BARX2: variants seen among roughly 807,000 people sequenced by gnomAD.
The protein encoded by BARX2 is BARX homeobox 2.
Under a neutral mutation model 25.5 loss-of-function variants are expected in BARX2, and 11 were observed. The ratio of observed to expected loss-of-function variants is 0.43; its 90% CI spans 0.27 to 0.71. BARX2 has a LOEUF of 0.71. Among genes scored for constraint, BARX2 ranks in the 30% least tolerant of loss-of-function variants. The pLI is 0.19. For synonymous variants in BARX2, 137 were observed against 149.5 expected (o/e 0.92, Z 0.61); for missense variants, 360 against 359.9 (o/e 1.00, Z 0.00).
intron 3 of BARX2, among the ~76,000 whole-genome samples, chr11:129,443,569 C>T (rs942916634): frequency 1.3e-5 from 2 of 152,144 alleles, no homozygotes; most frequent in African/African-American, 4.8e-5. Context: ...TGGGAATGTG[C>T]GTGTTAACAA....
chr11:129,415,441 C>CA (rs1861934750), intron 1 of BARX2, among the ~76,000 whole-genome samples: 1 of 140,282 alleles, frequency 7.1e-6, no homozygotes. Flanking sequence ...TTCTAGGCAG[C>CA]AAGTTTTCTT....
chr11:129,433,856 T>C (rs1591444679), intron 1 of BARX2, among the ~76,000 whole-genome samples: 1 of 152,210 alleles, frequency 6.6e-6, no homozygotes, highest in African/African-American at 2.4e-5. Context: ...GTTTATTTGT[T>C]TGCTGTCTGC....
At chr11:129,440,503 A>G (rs574507213) in intron 2 of BARX2, among the ~76,000 whole-genome samples, 3 of 152,360 alleles carry the variant, frequency 2.0e-5, no homozygotes, top group African/African-American at 7.2e-5. Context: ...CTTGGGAAGC[A>G]GTGCTTCATT....
intron 1 of BARX2, among the ~76,000 whole-genome samples, chr11:129,407,643 T>A (rs950203626): frequency 6.6e-6 from 1 of 152,158 alleles, no homozygotes; most frequent in Non-Finnish European, 1.5e-5. Flanking sequence ...AAACTTTGAG[T>A]ACCTACTAAA....
chr11:129,418,820 C>A (rs553727860), intron 1 of BARX2, among the ~76,000 whole-genome samples: 7 of 152,336 alleles, frequency 4.6e-5, no homozygotes, highest in African/African-American at 1.7e-4. Flanking sequence ...TGCACATCAA[C>A]TGCCTGGAAG....
chr11:129,411,199 G>A (rs1052886781), intron 1 of BARX2, among the ~76,000 whole-genome samples: 4 of 151,872 alleles, frequency 2.6e-5, no homozygotes, highest in East Asian at 1.9e-4. Flanking sequence ...GTGAAACCCC[G>A]TCTCTACTAA....
intron 3 of BARX2, among the ~76,000 whole-genome samples, chr11:129,449,575 T>TA (rs1446215433): frequency 6.6e-6 from 1 of 151,962 alleles, no homozygotes; most frequent in East Asian, 1.9e-4. Flanking sequence ...CAAAGCAAAA[T>TA]ATAAATATTT....
intron 1 of BARX2, among the ~76,000 whole-genome samples, chr11:129,410,548 T>G (rs1861875539): frequency 6.6e-6 from 1 of 152,212 alleles, no homozygotes; most frequent in African/African-American, 2.4e-5. Flanking sequence ...TCTGAGACAC[T>G]GAATGGGAGG....
At chr11:129,384,349 G>A (rs944841980) in intron 1 of BARX2, among the ~76,000 whole-genome samples, 1 of 152,038 alleles carries the variant, frequency 6.6e-6, no homozygotes, top group Non-Finnish European at 1.5e-5. Context: ...TCTTGGGCCT[G>A]ATGAAATTTC....
intron 1 of BARX2, among the ~76,000 whole-genome samples, chr11:129,420,112 A>C (rs1299008732): frequency 1.3e-5 from 2 of 152,046 alleles, no homozygotes; most frequent in Non-Finnish European, 2.9e-5. Context: ...TAGTGAACAA[A>C]TCAGTGTCAG....
At chr11:129,430,399 C>T (rs1862115906) in intron 1 of BARX2, among the ~76,000 whole-genome samples, 1 of 151,994 alleles carries the variant, frequency 6.6e-6, no homozygotes, top group Non-Finnish European at 1.5e-5. Flanking sequence ...TACATAGGAA[C>T]AATTCTGTAA....
intron 1 of BARX2, among the ~76,000 whole-genome samples, chr11:129,397,522 C>T (rs1283597534): frequency 2.0e-5 from 3 of 152,130 alleles, no homozygotes; most frequent in Non-Finnish European, 2.9e-5. Flanking sequence ...TGCAGTGATC[C>T]GCACTGAACT....
chr11:129,402,735 A>G (rs1441731542), intron 1 of BARX2, among the ~76,000 whole-genome samples: 1 of 152,216 alleles, frequency 6.6e-6, no homozygotes, highest in African/African-American at 2.4e-5. Context: ...TTCCCAGCAG[A>G]TCCTCTAAAG....
At chr11:129,421,013 G>A (rs1386989779) in intron 1 of BARX2, among the ~76,000 whole-genome samples, 1 of 152,166 alleles carries the variant, frequency 6.6e-6, no homozygotes, top group Admixed American at 6.5e-5. Context: ...CAGAGGCTGA[G>A]CAAGTTTAAC....
intron 2 of BARX2, chr11:129,437,398 T>G: frequency 2.0e-6 from 2 of 988,802 alleles, no homozygotes; most frequent in Non-Finnish European, 2.4e-6. Flanking sequence ...CTCTTAGGAT[T>G]GGAGGCAGCA....
chr11:129,446,517 T>C (rs910849946), intron 3 of BARX2, among the ~76,000 whole-genome samples: 20 of 152,310 alleles, frequency 1.3e-4, no homozygotes, highest in African/African-American at 4.1e-4. Flanking sequence ...GGACCTGCCA[T>C]ATAGGATACA....
At position 129,401,143 on chromosome 11, in the gene BARX2, A is replaced by T. The variant is rs527249066; in HGVS notation, c.187+24921A>T. Reference sequence around the variant, plus strand: ...CCCTGACATTATCATCTTCATTGGCATGGTTGAGATAGAATCAACATTGCA... The same window carrying T: ...CCCTGACATTATCATCTTCATTGGCTTGGTTGAGATAGAATCAACATTGCA... On this transcript the variant is annotated intron_variant, in intron 1 of 3. Transcript: ENST00000281437. 2.0e-5 allele frequency among the ~76,000 whole-genome samples: 3 copies of T among 152,360 alleles called. No individual in the cohort carries two copies. The East Asian group carries it at 5.8e-4, about 29-fold the overall frequency.
intron 1 of BARX2, among the ~76,000 whole-genome samples, chr11:129,427,410 G>T (rs1382469875): frequency 6.6e-6 from 1 of 152,156 alleles, no homozygotes; most frequent in Non-Finnish European, 1.5e-5. Context: ...AGGAAACTCA[G>T]CTATAGCTGC....
At chr11:129,382,039 G>A (rs572747266) in intron 1 of BARX2, among the ~76,000 whole-genome samples, 25 of 152,294 alleles carry the variant, frequency 1.6e-4, no homozygotes, top group Non-Finnish European at 2.2e-4. Context: ...TTTAGCCTTC[G>A]CTCTGGAAGA....
Sources: gnomAD v4.1 joint callset for allele counts (sites outside exome capture counted in the v4.1 genomes callset) on GRCh38, gnomAD v4.1.1 for gene constraint, MANE v1.5 for transcripts, NCBI Gene and HGNC (gene_info 2026-07-23, HGNC 2026-07-21) for gene names.